CDC6: variants seen among roughly 807,000 people sequenced by gnomAD.
CDC6 encodes DNA replication factor CDC6.
In CDC6, 46 loss-of-function variants were observed where a neutral mutation model predicts 60.2. The ratio of observed to expected loss-of-function variants is 0.76; its 90% CI spans 0.60 to 0.98. The LOEUF is 0.98. Among genes scored for constraint, CDC6 ranks in the 50% least tolerant of loss-of-function variants. The pLI, the probability that CDC6 is intolerant of heterozygous loss-of-function variation, is 0.00. For missense variants in CDC6, 596 were observed against 652.9 expected, an observed-to-expected ratio of 0.91 and a Z score of 0.95; for synonymous variants, 210 against 233.2, an observed-to-expected ratio of 0.90 and a Z score of 0.90.
At chr17:40,301,648 A>G (rs200729163) in intron 11 of CDC6, 40 bp downstream of exon 11, 3 of 1,600,562 alleles carry the variant, frequency 1.9e-6, no homozygotes, top group Middle Eastern at 1.7e-4. Flanking sequence ...TAATTGTCCT[A>G]TTTTGTAGAG....
chr17:40,291,906 C>T (rs1173965310), intron 4 of CDC6, among the ~76,000 whole-genome samples: 2 of 152,112 alleles, frequency 1.3e-5, no homozygotes, highest in East Asian at 3.9e-4. Flanking sequence ...CCACCATGCC[C>T]AGCTAATGTT....
Position 40,300,843 on chromosome 17 carries a change from A to T in CDC6, c.1265A>T (p.Glu422Val), listed in dbSNP as rs1330902626. The change falls in exon 10 of 12, where the codon GAG becomes GTG. Residue 422 changes from glutamate (E) to valine (V), a missense_variant. Transcript: ENST00000209728. ...KPLSECKSPS[E>V]PLIPKRVGLI... ...TACTTTATAGGTAAATCACCTTCTG[A>T]GCCTCTGATTCCCAAGAGGGTTGGT... 6.2e-7 allele frequency: 1 copy of T among 1,613,668 alleles called. No individual in the cohort carries two copies. Among genetic ancestry groups the T allele is most frequent in the East Asian group, 2.2e-5 (1 of 44,900 alleles).
At position 40,303,630 on chromosome 17, in the gene CDC6, C is replaced by CCTTTA. The variant is rs1208912462; in HGVS notation, c.*1632_*1636dup. 1 of 152,188 alleles carries CCTTTA rather than the reference C, an allele frequency of 6.6e-6. No individual in the cohort carries two copies. Among genetic ancestry groups the CCTTTA allele is most frequent in the Admixed American group, 6.5e-5 (1 of 15,276 alleles). The allele number at this position is 152,188 out of a possible 1,614,324, so 9.4% of individuals were successfully genotyped here. ...TGAGTCTGAATGTTGTTCTCACACT[C>CCTTTA]CTTTACTAGAGTATTCGTTCCCTCT... On this transcript the variant is annotated 3_prime_UTR_variant, in exon 12 of 12. Coordinates refer to ENST00000209728, the MANE Select transcript of CDC6 (RefSeq NM_001254.4).
At chr17:40,293,854 G>A in intron 5 of CDC6, 96 bp from the exon 6 acceptor site, 3 of 1,082,870 alleles carry the variant, frequency 2.8e-6, no homozygotes, top group South Asian at 2.5e-5. Context: ...CTTTAAACTG[G>A]TCTCAGCTTT....
rs370624534 is a variant in CDC6 at position 40,291,717 on chromosome 17, G to T, written c.660+49G>T. 1.2e-5 allele frequency: 19 copies of T among 1,536,492 alleles called. No homozygotes were observed. The African/African-American group carries it at 2.6e-4, about 21-fold the overall frequency. ...ATACTCTTGGTAAAATGATACTTGGGTGTTTTTGTTTGTTTGTTTGTTTTG... is the reference window on the plus strand; with the variant it reads ...ATACTCTTGGTAAAATGATACTTGGTTGTTTTTGTTTGTTTGTTTGTTTTG... On this transcript the variant is annotated intron_variant, in intron 4 of 11. Coordinates refer to ENST00000209728, the MANE Select transcript of CDC6 (RefSeq NM_001254.4).
rs969197654 is a variant in CDC6, at chr17:40,290,089, T to C, written c.178+491T>C. ...CTAAGTGCTTACCGAACTCCAGAGT[T>C]AGACACTTACTGAGGTCACTCTGAA... On this transcript the variant is annotated intron_variant, in intron 2 of 11. Coordinates refer to ENST00000209728, the MANE Select transcript of CDC6 (RefSeq NM_001254.4). Among the ~76,000 whole-genome samples, 15 of 152,268 alleles carry C rather than the reference T, an allele frequency of 9.9e-5. No individual in the cohort carries two copies. In the East Asian group the frequency reaches 2.9e-3, roughly 29 times the overall value.
chr17:40,287,887 T>A lies in CDC6; in HGVS notation c.-217T>A, dbSNP rs1039557242. The A allele has an allele frequency of 2.0e-5, 3 of 152,944 alleles. No homozygotes were observed. Among genetic ancestry groups the A allele is most frequent in the African/African-American group, 7.2e-5 (3 of 41,474 alleles). 9.5% of individuals were successfully genotyped at this position (152,944 alleles called of 1,614,324 possible). On this transcript the variant is annotated 5_prime_UTR_variant, in exon 1 of 12. The change creates a new upstream start codon in the 5' untranslated region. Coordinates refer to ENST00000209728, the MANE Select transcript of CDC6 (RefSeq NM_001254.4). The stretch of plus-strand genomic sequence containing the variant: ...GTGGGAACGCTGTGGCCATTCGGAT[T>A]TGGCGCGAGCGCGGCTGGAGTTTGC...
In CDC6 at chr17:40,293,562, C is replaced by T; in HGVS notation, c.767C>T (p.Ser256Phe). 1 of 1,613,714 alleles carries T rather than the reference C, an allele frequency of 6.2e-7. No homozygotes were observed. The highest frequency in any genetic ancestry group is 8.5e-7 in the Non-Finnish European group (1 of 1,179,654). Reference protein sequence around the residue: ...IAQEICQEEVSRPAGKDMMRK... With the variant: ...IAQEICQEEVFRPAGKDMMRK... The stretch of plus-strand genomic sequence containing the variant: ...CAGGAGATTTGTCAGGAAGAGGTAT[C>T]CAGGCCAGCTGGGAAGGACATGATG... The change falls in exon 5 of 12, where the codon TCC (serine) becomes TTC (phenylalanine). Residue 256 changes from serine to phenylalanine, a missense_variant. By Grantham distance (155) the Ser-to-Phe change is radical. Coordinates refer to ENST00000209728, the MANE Select transcript of CDC6 (RefSeq NM_001254.4).
chr17:40,300,456 C>T (rs1436837697), intron 9 of CDC6, among the ~76,000 whole-genome samples: 2 of 152,040 alleles, frequency 1.3e-5, no homozygotes, highest in East Asian at 3.9e-4. Context: ...ATGATAGTGC[C>T]ACTGTACTCC....
chr17:40,288,759 C>T (rs1567732433), intron 1 of CDC6, among the ~76,000 whole-genome samples: 2 of 151,950 alleles, frequency 1.3e-5, no homozygotes, highest in African/African-American at 2.4e-5. Flanking sequence ...TAATTTTTTG[C>T]ATTTTTAGTA....
intron 7 of CDC6, among the ~76,000 whole-genome samples, chr17:40,294,919 T>G (rs1171009013): frequency 6.6e-6 from 1 of 152,054 alleles, no homozygotes; most frequent in African/African-American, 2.4e-5. Context: ...GAGCTGGGGT[T>G]TCACCGTCTT....
intron 5 of CDC6, 90 bp from the exon 6 acceptor site, chr17:40,293,860 G>T: frequency 8.6e-7 from 1 of 1,162,122 alleles, no homozygotes; most frequent in Non-Finnish European, 1.3e-6. Context: ...ACTGGTCTCA[G>T]CTTTAGGAAA....
chr17:40,289,314 A>G, intron 1 of CDC6, 94 bp from the exon 2 acceptor site: 1 of 971,710 alleles, frequency 1.0e-6, no homozygotes, highest in Non-Finnish European at 1.6e-6. Flanking sequence ...TTAGGAAATA[A>G]GTGTTAATCA....
At chr17:40,288,617 C>T (rs1355451054) in intron 1 of CDC6, among the ~76,000 whole-genome samples, 1 of 147,662 alleles carries the variant, frequency 6.8e-6, no homozygotes, top group Non-Finnish European at 1.5e-5. Flanking sequence ...CGGAGTCTCG[C>T]TCGGTCTCCC....
intron 1 of CDC6, 98 bp from the exon 2 acceptor site, chr17:40,289,310 A>G: frequency 1.0e-6 from 1 of 956,936 alleles, no homozygotes; most frequent in Non-Finnish European, 1.7e-6. Context: ...ATAATTAGGA[A>G]ATAAGTGTTA....
In CDC6 at chr17:40,291,668, G is replaced by C. The variant is rs754998763; in HGVS notation, c.660G>C (p.Lys220Asn). 6.2e-6 allele frequency: 10 copies of C among 1,611,914 alleles called. No homozygotes were observed. Among genetic ancestry groups the C allele is most frequent in the Non-Finnish European group, 8.5e-6 (10 of 1,178,108 alleles). ...ACLSRILQDL[K>N]KELKGFKTIM... is the part of the protein sequence containing the mutation. ...TAAGCCGGATTCTGCAAGACCTCAA[G>C]GTACATTGAGAGTCTGAATTATGAT... The change falls in exon 4 of 12, where the codon AAG becomes AAC. Residue 220 changes from lysine to asparagine, a missense_variant and splice_region_variant. Lys to Asn is a moderately conservative substitution (Grantham distance 94, BLOSUM62 0). Transcript: ENST00000209728.
At position 40,299,138 on chromosome 17, in the gene CDC6, C is replaced by CTTTTTTTTTTTTTT; in HGVS notation, c.1250-1675_1250-1662dup. Among the ~76,000 whole-genome samples, 40 of 60,780 alleles carry CTTTTTTTTTTTTTT rather than the reference C, an allele frequency of 6.6e-4. 6 individuals are homozygous for CTTTTTTTTTTTTTT. Among genetic ancestry groups the CTTTTTTTTTTTTTT allele is most frequent in the African/African-American group, 1.4e-3 (18 of 13,002 alleles). 39.9% of individuals were successfully genotyped at this position (60,780 alleles called of 152,430 possible). ...CATCTCCAAACGATAAGGCCATAGT[C>CTTTTTTTTTTTTTT]TTTTTTTTTTTTTTTTTTTTTTTTT... On this transcript the variant is annotated intron_variant, in intron 9 of 11. Coordinates refer to ENST00000209728, the MANE Select transcript of CDC6 (RefSeq NM_001254.4).
intron 11 of CDC6, 126 bp from the exon 12 acceptor site, chr17:40,301,786 G>T (rs902961454): frequency 1.1e-5 from 10 of 892,162 alleles, no homozygotes; most frequent in Non-Finnish European, 1.6e-5. Flanking sequence ...TCAAGCCATT[G>T]GAAAAAAAAG....
intron 9 of CDC6, among the ~76,000 whole-genome samples, chr17:40,300,165 T>G: frequency 6.6e-6 from 1 of 152,170 alleles, no homozygotes; most frequent in African/African-American, 2.4e-5. Context: ...AGTTTCGCCG[T>G]GTTGGGCAGG....
Sources: allele counts gnomAD v4.1 joint callset (sites outside exome capture counted in the v4.1 genomes callset), GRCh38; gene constraint gnomAD v4.1.1; transcripts MANE v1.5; gene names NCBI Gene and HGNC (gene_info 2026-07-23, HGNC 2026-07-21).